Variants in ZBTB7C observed in about 807,000 individuals in gnomAD.
ZBTB7C encodes zinc finger and BTB domain-containing protein 7C.
In ZBTB7C, 8 loss-of-function variants were observed where a neutral mutation model predicts 25.7. That is an observed-to-expected ratio of 0.31 (90% CI 0.18 to 0.56). ZBTB7C has a LOEUF of 0.56. Among genes scored for constraint, ZBTB7C ranks in the 20% least tolerant of loss-of-function variants. ZBTB7C has a pLI of 0.91. For synonymous variants in ZBTB7C, 394 were observed against 369.0 expected (o/e 1.07, Z -0.78); for missense variants, 824 against 855.2 (o/e 0.96, Z 0.46).
intron 2 of ZBTB7C, among the ~76,000 whole-genome samples, chr18:48,304,814 C>T (rs1165811300): frequency 3.8e-5 from 5 of 132,770 alleles, no homozygotes; most frequent in African/African-American, 8.6e-5. Context: ...GCACTCCATC[C>T]TGCACAATGG....
chr18:48,320,629 G>A (rs986879912), intron 2 of ZBTB7C, among the ~76,000 whole-genome samples: 2 of 152,164 alleles, frequency 1.3e-5, no homozygotes, highest in Non-Finnish European at 2.9e-5. Flanking sequence ...GACAGCCAAG[G>A]CCAGACATGC....
intron 2 of ZBTB7C, among the ~76,000 whole-genome samples, chr18:48,321,797 C>T (rs541858883): frequency 1.3e-5 from 2 of 152,282 alleles, no homozygotes; most frequent in African/African-American, 2.4e-5. Flanking sequence ...GGCTGCGTGC[C>T]GATCCGCCCC....
intron 2 of ZBTB7C, among the ~76,000 whole-genome samples, chr18:48,206,953 AC>A (rs1334341403): frequency 1.8e-4 from 28 of 152,360 alleles, no homozygotes; most frequent in African/African-American, 6.3e-4. Flanking sequence ...AAGATATGTG[AC>A]AGAGAAATCA....
intron 3 of ZBTB7C, among the ~76,000 whole-genome samples, chr18:48,051,992 G>A (rs11082644): frequency 0.017 from 2,580 of 152,284 alleles, 25 homozygotes; most frequent in Middle Eastern, 0.034. Context: ...CAAAATAAAG[G>A]ATTTACTACT....
intron 3 of ZBTB7C, among the ~76,000 whole-genome samples, chr18:48,095,387 G>T (rs1475445665): frequency 2.0e-5 from 3 of 152,304 alleles, no homozygotes; most frequent in Middle Eastern, 6.8e-3. Context: ...CTGGAGCAGG[G>T]TTGGCCAGCA....
intron 2 of ZBTB7C, among the ~76,000 whole-genome samples, chr18:48,215,724 C>G: frequency 6.6e-6 from 1 of 152,152 alleles, no homozygotes; most frequent in East Asian, 1.9e-4. Flanking sequence ...AGGTGCTGGT[C>G]TCTCAGCTAC....
chr18:48,330,998 G>T (rs1394048512), intron 2 of ZBTB7C, among the ~76,000 whole-genome samples: 2 of 152,056 alleles, frequency 1.3e-5, no homozygotes, highest in Non-Finnish European at 1.5e-5. Context: ...TCAGGTCAAG[G>T]GTTCCCTCCT....
At chr18:48,031,662 G>A (rs947190543) in intron 4 of ZBTB7C, among the ~76,000 whole-genome samples, 3 of 152,232 alleles carry the variant, frequency 2.0e-5, no homozygotes, top group African/African-American at 4.8e-5. Context: ...CTGGGATAGG[G>A]GAGAGGGACA....
chr18:48,218,182 C>T (rs531419285), intron 2 of ZBTB7C, among the ~76,000 whole-genome samples: 28 of 152,324 alleles, frequency 1.8e-4, no homozygotes, highest in African/African-American at 6.7e-4. Context: ...GCCTTGGGTA[C>T]ATGTGGTAGT....
intron 2 of ZBTB7C, among the ~76,000 whole-genome samples, chr18:48,324,702 G>A (rs2046177674): frequency 6.6e-6 from 1 of 152,202 alleles, no homozygotes; most frequent in African/African-American, 2.4e-5. Flanking sequence ...AAGAGGCTAT[G>A]AGAGGGTTTA....
chr18:48,030,894 C>A (rs2144067278), intron 4 of ZBTB7C, among the ~76,000 whole-genome samples: 1 of 152,326 alleles, frequency 6.6e-6, no homozygotes, highest in African/African-American at 2.4e-5. Flanking sequence ...TTGGGTAAAC[C>A]AGCTTAAGGT....
chr18:48,295,210 T>C (rs937008193), intron 2 of ZBTB7C, among the ~76,000 whole-genome samples: 9 of 152,154 alleles, frequency 5.9e-5, no homozygotes, highest in Non-Finnish European at 4.4e-5. Context: ...CCCCGGAGTC[T>C]TCGGTAGGTC....
At chr18:48,209,999 C>T (rs1039923361) in intron 2 of ZBTB7C, among the ~76,000 whole-genome samples, 2 of 152,134 alleles carry the variant, frequency 1.3e-5, no homozygotes, top group African/African-American at 4.8e-5. Flanking sequence ...ATATTTAAAA[C>T]ATGGTCAAAG....
intron 1 of ZBTB7C, among the ~76,000 whole-genome samples, chr18:48,369,975 A>T (rs1299351054): frequency 6.6e-6 from 1 of 152,222 alleles, no homozygotes; most frequent in Non-Finnish European, 1.5e-5. Context: ...ATGTATACCA[A>T]GACAGATCAT....
chr18:48,217,868 G>A (rs2042862117), intron 2 of ZBTB7C, among the ~76,000 whole-genome samples: 1 of 152,078 alleles, frequency 6.6e-6, no homozygotes, highest in African/African-American at 2.4e-5. Flanking sequence ...TCTGTTCATG[G>A]TAGTCCTTCT....
intron 2 of ZBTB7C, among the ~76,000 whole-genome samples, chr18:48,251,813 T>C (rs544422521): frequency 3.9e-4 from 59 of 152,302 alleles, no homozygotes; most frequent in African/African-American, 1.4e-3. Context: ...AGCTCACCTA[T>C]AAAACCCTGT....
intron 3 of ZBTB7C, among the ~76,000 whole-genome samples, chr18:48,053,061 G>C (rs539016934): frequency 2.6e-5 from 4 of 152,190 alleles, no homozygotes; most frequent in Non-Finnish European, 5.9e-5. Flanking sequence ...GATGACGAGT[G>C]TTCTACAAGG....
intron 3 of ZBTB7C, among the ~76,000 whole-genome samples, chr18:48,084,627 C>T (rs766568890): frequency 2.0e-5 from 3 of 152,190 alleles, no homozygotes; most frequent in Non-Finnish European, 2.9e-5. Flanking sequence ...CCCTGGCCCC[C>T]GTGGCTGGTG....
chr18:48,156,051 A>G (rs1278239060), intron 3 of ZBTB7C, among the ~76,000 whole-genome samples: 1 of 152,248 alleles, frequency 6.6e-6, no homozygotes, highest in Non-Finnish European at 1.5e-5. Context: ...TGAAATGACT[A>G]ACAACATCCT....
Sources: allele counts gnomAD v4.1 joint callset (sites outside exome capture counted in the v4.1 genomes callset), GRCh38; gene constraint gnomAD v4.1.1; transcripts MANE v1.5; gene names NCBI Gene and HGNC (gene_info 2026-07-23, HGNC 2026-07-21).